CHTF8: variants seen among roughly 807,000 people sequenced by gnomAD.
The protein encoded by CHTF8 is chromosome transmission fidelity factor 8.
In CHTF8, 6 loss-of-function variants were observed where a neutral mutation model predicts 11.0. The ratio of observed to expected loss-of-function variants is 0.55; its 90% confidence interval spans 0.30 to 1.08. The LOEUF (loss-of-function observed/expected upper bound fraction) is 1.08. Among genes scored for constraint, CHTF8 ranks in the 50% least tolerant of loss-of-function variants. The probability of loss-of-function intolerance (pLI) is 0.07; values close to 1 mark genes in which losing one functional copy is unlikely to be tolerated. For synonymous variants in CHTF8, 53 were observed against 60.5 expected (o/e 0.88, Z 0.57); for missense variants, 140 against 153.1 (o/e 0.91, Z 0.45).
chr16:69,119,590 C>G lies in CHTF8; in HGVS notation c.*835G>C, dbSNP rs1961462070. On this transcript the variant is annotated 3_prime_UTR_variant, in exon 4 of 4. Coordinates refer to ENST00000448552, the MANE Select transcript of CHTF8 (RefSeq NM_001039690.5). ...ATTTGCTCCTAAAAGACCTGCTGCT[C>G]TTAGAATGGGGGCAAGATCGAGGCC... 1.4e-6 allele frequency: 1 copy of G among 701,546 alleles called. No homozygotes were observed. Among genetic ancestry groups the G allele is most frequent in the Admixed American group, 2.0e-5 (1 of 49,786 alleles). 43.5% of individuals were successfully genotyped at this position (701,546 alleles called of 1,614,324 possible). A position where few individuals can be genotyped will look rare whatever the true frequency, so the allele number is the denominator to read the frequency against.
At chr16:69,132,421 C>T in intron 1 of CHTF8, 63 bp downstream of exon 1, 1 of 173,106 alleles carries the variant, frequency 5.8e-6, no homozygotes. Flanking sequence ...CGCGCCCTCG[C>T]CCCCAATCCC....
Position 69,118,291 on chromosome 16 carries a change from C to A in CHTF8, c.*2134G>T. On this transcript the variant is annotated 3_prime_UTR_variant, in exon 4 of 4. Coordinates refer to ENST00000448552, the MANE Select transcript of CHTF8 (RefSeq NM_001039690.5). Reference sequence around the variant, plus strand: ...GGAGCTGCAGGCCCAGTCAGTCAAGCAGAAACTGCATTCGGTGGGTCTTTC... The same window carrying A: ...GGAGCTGCAGGCCCAGTCAGTCAAGAAGAAACTGCATTCGGTGGGTCTTTC... 2 of 1,056,876 alleles carry A rather than the reference C, an allele frequency of 1.9e-6. No homozygotes were observed. Among genetic ancestry groups the A allele is most frequent in the Non-Finnish European group, 1.5e-6 (1 of 675,276 alleles). The allele number at this position is 1,056,876 out of a possible 1,614,324, so 65.5% of individuals were successfully genotyped here.
Position 69,119,754 on chromosome 16 carries a change from C to A in CHTF8, c.*671G>T. Reference sequence around the variant, plus strand: ...GGCCTGGGCCTGGAAACACACCTGACCTGGGGGCAGGGTTTGTCCCTAAAA... The same window carrying A: ...GGCCTGGGCCTGGAAACACACCTGAACTGGGGGCAGGGTTTGTCCCTAAAA... On this transcript the variant is annotated 3_prime_UTR_variant, in exon 4 of 4. Transcript: ENST00000448552. The A allele has an allele frequency of 1.4e-6, 1 of 695,860 alleles. No individual in the cohort carries two copies. Among genetic ancestry groups the A allele is most frequent in the Non-Finnish European group, 2.6e-6 (1 of 380,290 alleles). The allele number at this position is 695,860 out of a possible 1,614,324, so 43.1% of individuals were successfully genotyped here.
Position 69,118,109 on chromosome 16 carries a change from T to G in CHTF8, c.*2316A>C, listed in dbSNP as rs2152263084. ...ACCAGGCCGAACAAAGCACAGTGAT[T>G]TCTTCCCTTCATCCCCCACCCCCAC... On this transcript the variant is annotated 3_prime_UTR_variant, in exon 4 of 4. Coordinates refer to ENST00000448552, the MANE Select transcript of CHTF8 (RefSeq NM_001039690.5). The G allele has an allele frequency of 5.8e-6, 3 of 519,264 alleles. No individual in the cohort carries two copies. 32.2% of individuals were successfully genotyped at this position (519,264 alleles called of 1,614,324 possible).
In CHTF8 at chr16:69,120,256, A is replaced by T. The variant is rs781376881; in HGVS notation, c.*169T>A. On this transcript the variant is annotated 3_prime_UTR_variant, in exon 4 of 4. Coordinates refer to ENST00000448552, the MANE Select transcript of CHTF8 (RefSeq NM_001039690.5). The surrounding 1 kb of genome is among the most constrained non-coding windows in gnomAD (Gnocchi z 4.0). ...TGGAAATGGGGTCAGATTTCCACCA[A>T]GAGAACCGGCCGCCATAAGGAAGGG... 21 of 722,766 alleles carry T rather than the reference A, an allele frequency of 2.9e-5. No homozygotes were observed. Among genetic ancestry groups the T allele is most frequent in the South Asian group, 2.4e-4 (16 of 68,012 alleles). The allele number at this position is 722,766 out of a possible 1,614,324, so 44.8% of individuals were successfully genotyped here.
At chr16:69,126,619 A>G (rs531326938) in intron 1 of CHTF8, among the ~76,000 whole-genome samples, 2 of 152,336 alleles carry the variant, frequency 1.3e-5, no homozygotes, top group East Asian at 3.9e-4. Context: ...TGTATGTAGA[A>G]ATGAAGTTCG....
intron 1 of CHTF8, 44 bp from the exon 2 acceptor site, chr16:69,121,537 CT>C: frequency 1.7e-6 from 2 of 1,210,544 alleles, no homozygotes; most frequent in Non-Finnish European, 1.2e-6. Flanking sequence ...ACAACAACAA[CT>C]AATAATGACA....
chr16:69,132,173 G>A (rs1962588863), intron 1 of CHTF8: 2 of 141,040 alleles, frequency 1.4e-5, no homozygotes, highest in Non-Finnish European at 1.5e-5. Context: ...GCTCCGCCCC[G>A]CTCGCTCCCT....
chr16:69,121,668 G>A (rs1961675456), intron 1 of CHTF8, among the ~76,000 whole-genome samples, 175 bp from the exon 2 acceptor site: 1 of 150,596 alleles, frequency 6.6e-6, no homozygotes, highest in Non-Finnish European at 1.5e-5. Context: ...TAGTAGAGAT[G>A]GGGTTTTTTT....
chr16:69,118,453 A>G lies in CHTF8; in HGVS notation c.*1972T>C, dbSNP rs1961335245. On this transcript the variant is annotated 3_prime_UTR_variant, in exon 4 of 4. Coordinates refer to ENST00000448552, the MANE Select transcript of CHTF8 (RefSeq NM_001039690.5). ...CCGTTCACCAACGCCACGTTTCTAG[A>G]GAGCAGTGAGCTGATTCTCCAATGG... The G allele has an allele frequency of 6.2e-7, 1 of 1,600,524 alleles. No individual in the cohort carries two copies.
intron 1 of CHTF8, among the ~76,000 whole-genome samples, chr16:69,131,917 C>T (rs1962556074): frequency 6.6e-6 from 1 of 152,032 alleles, no homozygotes; most frequent in Non-Finnish European, 1.5e-5. Context: ...AGCCTCCCCC[C>T]TCCACGATTA....
rs1567588552 is a variant in CHTF8, at chr16:69,120,513, C to CG, written c.277dup (p.Arg93ProfsTer554). ...TTTGATGAGTGCTGTCACCAGGTAC[C>CG]GGGTGCCAGTCTCGCGGCCAAGCTC... On this transcript the variant is annotated frameshift_variant, in exon 4 of 4. Coordinates refer to ENST00000448552, the MANE Select transcript of CHTF8 (RefSeq NM_001039690.5). LOFTEE classifies it high-confidence loss of function. This position sits in a 1 kb window ranked among gnomAD's most constrained non-coding sequence, Gnocchi z 4.0. The CG allele has an allele frequency of 6.2e-7, 1 of 1,614,066 alleles. No homozygotes were observed. Among genetic ancestry groups the CG allele is most frequent in the African/African-American group, 1.3e-5 (1 of 74,988 alleles).
chr16:69,132,017 C>T (rs1183826367), intron 1 of CHTF8: 3 of 153,460 alleles, frequency 2.0e-5, no homozygotes, highest in African/African-American at 7.2e-5. Context: ...GGTTCCAGTT[C>T]TACTCCGCTC....
chr16:69,129,429 C>CAAAA (rs11420871), intron 1 of CHTF8, among the ~76,000 whole-genome samples: 17 of 75,520 alleles, frequency 2.3e-4, no homozygotes, highest in East Asian at 5.0e-4. Flanking sequence ...GACTCCGTCA[C>CAAAA]AAAAAAAAAA....
chr16:69,126,286 G>A (rs1421031619), intron 1 of CHTF8, among the ~76,000 whole-genome samples: 1 of 152,162 alleles, frequency 6.6e-6, no homozygotes, highest in Non-Finnish European at 1.5e-5. Flanking sequence ...TGAGAAAAAT[G>A]CCGAAATATT....
chr16:69,124,893 G>A (rs1341448464), intron 1 of CHTF8, among the ~76,000 whole-genome samples: 2 of 151,796 alleles, frequency 1.3e-5, no homozygotes, highest in African/African-American at 4.8e-5. Context: ...TTGGGAACAT[G>A]AAATTGGTCA....
Position 69,120,681 on chromosome 16 carries a change from T to A in CHTF8, c.142-32A>T. 6.3e-7 allele frequency: 1 copy of A among 1,582,840 alleles called. No homozygotes were observed. The highest frequency in any genetic ancestry group is 1.3e-5 in the African/African-American group (1 of 74,314). ...CAGAACAAGAACGAGATTCCTGAGGTTCCGGGGCAAGGCCATAACACTCAG... is the reference window on the plus strand; with the variant it reads ...CAGAACAAGAACGAGATTCCTGAGGATCCGGGGCAAGGCCATAACACTCAG... On this transcript the variant is annotated intron_variant, in intron 3 of 3. Coordinates refer to ENST00000448552, the MANE Select transcript of CHTF8 (RefSeq NM_001039690.5). The surrounding 1 kb of genome is among the most constrained non-coding windows in gnomAD (Gnocchi z 4.0).
rs1160214726 is a variant in CHTF8 at position 69,118,931 on chromosome 16, C to T, written c.*1494G>A. ...CTGGGGAAAGCAGCTGGGTTTGTGCCAGGGAGGCTCCCCACTCTAGGAAAT... is the reference window on the plus strand; with the variant it reads ...CTGGGGAAAGCAGCTGGGTTTGTGCTAGGGAGGCTCCCCACTCTAGGAAAT... On this transcript the variant is annotated 3_prime_UTR_variant, in exon 4 of 4. Coordinates refer to ENST00000448552, the MANE Select transcript of CHTF8 (RefSeq NM_001039690.5). 5.7e-6 allele frequency: 4 copies of T among 702,998 alleles called. No individual in the cohort carries two copies. The highest frequency in any genetic ancestry group is 4.0e-5 in the Admixed American group (2 of 50,004). The allele number at this position is 702,998 out of a possible 1,614,324, so 43.5% of individuals were successfully genotyped here.
At position 69,118,696 on chromosome 16, in the gene CHTF8, G is replaced by A; in HGVS notation, c.*1729C>T. On this transcript the variant is annotated 3_prime_UTR_variant, in exon 4 of 4. Transcript: ENST00000448552. ...TGCCACAAATAACATCTCACCTTCAGTCAAGAAAAACGCAAAGGAAAAAGA... is the reference window on the plus strand; with the variant it reads ...TGCCACAAATAACATCTCACCTTCAATCAAGAAAAACGCAAAGGAAAAAGA... The A allele has an allele frequency of 6.1e-6, 4 of 658,412 alleles. No homozygotes were observed. The highest frequency in any genetic ancestry group is 1.7e-5 in the South Asian group (1 of 59,118). 40.8% of individuals were successfully genotyped at this position (658,412 alleles called of 1,614,324 possible).
Sources: allele counts gnomAD v4.1 joint callset (sites outside exome capture counted in the v4.1 genomes callset), GRCh38; gene constraint gnomAD v4.1.1; non-coding constraint Gnocchi (gnomAD v3.1); transcripts MANE v1.5; gene names NCBI Gene and HGNC (gene_info 2026-07-23, HGNC 2026-07-21).